The following TANC2 variants were observed in gnomAD, a reference collection of about 807,000 sequenced individuals.
TANC2 encodes tetratricopeptide repeat, ankyrin repeat and coiled-coil containing 2, also known as protein TANC2.
Under a neutral mutation model 210.5 loss-of-function variants are expected in TANC2, and 26 were observed. The observed-to-expected ratio is 0.12, with a 90% CI of 0.09 to 0.17. The LOEUF (loss-of-function observed/expected upper bound fraction) is 0.17. Ranked by LOEUF, TANC2 falls within the 10% of genes least tolerant of loss-of-function variation. TANC2 has a pLI of 1.00. For missense variants in TANC2, 2,129 were observed against 2,608.9 expected (o/e 0.82, Z 4.01); for synonymous variants, 931 against 967.1 (o/e 0.96, Z 0.69).
At chr17:63,337,128 G>A (rs537846622) in intron 11 of TANC2, among the ~76,000 whole-genome samples, 1 of 152,288 alleles carries the variant, frequency 6.6e-6, no homozygotes, top group South Asian at 2.1e-4. Flanking sequence ...TACTTTAAAA[G>A]TCTAGTAAAT....
chr17:63,142,791 C>T (rs73323708), intron 4 of TANC2, among the ~76,000 whole-genome samples: 3,119 of 152,142 alleles, frequency 0.021, 99 homozygotes, highest in African/African-American at 0.07. Context: ...TCTTCTGAAA[C>T]GAGTTTCTTA....
intron 1 of TANC2, among the ~76,000 whole-genome samples, chr17:62,984,019 T>C (rs1371558292): frequency 1.3e-5 from 2 of 152,168 alleles, no homozygotes; most frequent in African/African-American, 4.8e-5. Context: ...CTTCAATTTT[T>C]GGAATAGTTT....
intron 15 of TANC2, among the ~76,000 whole-genome samples, chr17:63,381,004 C>CT (rs1470862417): frequency 2.6e-5 from 4 of 152,184 alleles, no homozygotes; most frequent in African/African-American, 9.7e-5. Context: ...TCCATAAACT[C>CT]TAAGAGCATT....
At chr17:63,427,358 G>A (rs1003901693) in exon 28 of TANC2, 1 of 152,290 alleles carries the variant, frequency 6.6e-6, no homozygotes, top group Admixed American at 6.5e-5. Flanking sequence ...TTTCCTTTAG[G>A]TTTTCTATGA....
intron 8 of TANC2, among the ~76,000 whole-genome samples, chr17:63,243,172 C>G (rs548340465): frequency 6.6e-6 from 1 of 152,174 alleles, no homozygotes; most frequent in African/African-American, 2.4e-5. Context: ...ATACCCAAAC[C>G]CACAAAATTA....
intron 19 of TANC2, among the ~76,000 whole-genome samples, chr17:63,404,611 A>G (rs900854920): frequency 6.6e-6 from 1 of 152,266 alleles, no homozygotes; most frequent in South Asian, 2.1e-4. Flanking sequence ...AAAAAGAATG[A>G]AAACTGGCCC....
intron 1 of TANC2, among the ~76,000 whole-genome samples, chr17:63,002,688 G>T (rs1313807748): frequency 6.6e-6 from 1 of 152,072 alleles, no homozygotes; most frequent in East Asian, 1.9e-4. Flanking sequence ...CCATTATTCT[G>T]ATTTTTTTGG....
At chr17:63,062,619 C>T (rs1312158008) in intron 2 of TANC2, among the ~76,000 whole-genome samples, 9 of 152,252 alleles carry the variant, frequency 5.9e-5, no homozygotes, top group Middle Eastern at 3.4e-3. Flanking sequence ...TTGCCAGTTT[C>T]GTGGTCTGTC....
intron 8 of TANC2, among the ~76,000 whole-genome samples, chr17:63,245,677 C>T (rs1038360378): frequency 2.6e-5 from 4 of 151,950 alleles, no homozygotes; most frequent in Admixed American, 6.6e-5. Context: ...TCCGTCTCTA[C>T]TAAAAATACA....
intron 11 of TANC2, among the ~76,000 whole-genome samples, chr17:63,333,827 C>T (rs746206240): frequency 6.6e-6 from 1 of 152,120 alleles, no homozygotes; most frequent in South Asian, 2.1e-4. Context: ...CCATCAACAT[C>T]GAGGGAAGAC....
At chr17:63,077,938 A>G (rs996157576) in intron 3 of TANC2, among the ~76,000 whole-genome samples, 2 of 152,158 alleles carry the variant, frequency 1.3e-5, no homozygotes, top group African/African-American at 4.8e-5. Flanking sequence ...TTGCATCTAT[A>G]TTCACATGGA....
intron 21 of TANC2, among the ~76,000 whole-genome samples, chr17:63,409,391 G>A (rs552875695): frequency 6.6e-6 from 1 of 152,062 alleles, no homozygotes; most frequent in Non-Finnish European, 1.5e-5. Flanking sequence ...TCACCATGTT[G>A]CCCAGGCTGG....
chr17:63,176,464 A>G (rs2040583529), intron 5 of TANC2, among the ~76,000 whole-genome samples: 1 of 152,204 alleles, frequency 6.6e-6, no homozygotes, highest in South Asian at 2.1e-4. Flanking sequence ...TAACCTATTT[A>G]ATTACTTATA....
At position 63,340,329 on chromosome 17, in the gene TANC2, A is replaced by G; in HGVS notation, c.1804A>G (p.Lys602Glu). 3.1e-6 allele frequency: 5 copies of G among 1,613,674 alleles called. No homozygotes were observed. Among genetic ancestry groups the G allele is most frequent in the Non-Finnish European group, 4.2e-6 (5 of 1,179,678 alleles). ...TCTGGAGCCACTAGAAAATCTCCAT[A>G]AAGGTACAGATAAGGCCCAAAGGAG... The change falls in exon 12 of 28, where the codon AAA (lysine) becomes GAA (glutamate). Residue 602 changes from lysine to glutamate, a missense_variant. Lys to Glu is a moderately conservative substitution (Grantham distance 56). Around this residue, in one of 5 missense-constraint regions of TANC2, gnomAD observed 739 missense variants for 848.0 expected, o/e 0.87. Transcript: ENST00000689528.
intron 1 of TANC2, among the ~76,000 whole-genome samples, chr17:62,979,122 A>G (rs994714765): frequency 6.6e-6 from 1 of 152,120 alleles, no homozygotes; most frequent in African/African-American, 2.4e-5. Flanking sequence ...GTGCAGATGA[A>G]AAGTCTGATT....
intron 9 of TANC2, among the ~76,000 whole-genome samples, chr17:63,274,394 A>T (rs2043809809): frequency 6.6e-6 from 1 of 151,302 alleles, no homozygotes; most frequent in Non-Finnish European, 1.5e-5. Flanking sequence ...GTCATAGAAG[A>T]TTGTGTACTA....
intron 25 of TANC2, 141 bp from the exon 26 acceptor site, chr17:63,415,387 G>A (rs1037617709): frequency 1.2e-5 from 13 of 1,113,136 alleles, no homozygotes; most frequent in Non-Finnish European, 1.6e-5. Context: ...CACCATCAGG[G>A]CCAGAACTCC....
At chr17:63,387,282 A>G (rs1450256273) in intron 15 of TANC2, among the ~76,000 whole-genome samples, 1 of 152,186 alleles carries the variant, frequency 6.6e-6, no homozygotes, top group Non-Finnish European at 1.5e-5. Flanking sequence ...GCCTTCCCAC[A>G]GCATTATTCA....
rs369553147 is a variant in TANC2 at position 63,045,838 on chromosome 17, A to C, written c.68-28105A>C. On this transcript the variant is annotated intron_variant, in intron 2 of 27. Transcript: ENST00000689528. ...TTTAAAAAGTAGAGATGGGTGTCTC[A>C]CTATATTGCCTAGGCTGGTCTTGAA... Among the ~76,000 whole-genome samples, 8 of 152,108 alleles carry C rather than the reference A, an allele frequency of 5.3e-5. No homozygotes were observed. The East Asian group carries it at 1.2e-3, about 22-fold the overall frequency.
Sources: gnomAD v4.1 joint callset for allele counts (sites outside exome capture counted in the v4.1 genomes callset) on GRCh38, gnomAD v4.1.1 for gene constraint, gnomAD v4.1.1 regional missense constraint, MANE v1.5 for transcripts, NCBI Gene and HGNC (gene_info 2026-07-23, HGNC 2026-07-21) for gene names.